The following CLN8 variants were observed in gnomAD, a reference collection of about 807,000 sequenced individuals.
The protein encoded by CLN8 is CLN8 transmembrane ER and ERGIC protein.
CLN8 carries 14 observed loss-of-function variants against 15.7 expected under a neutral mutation model. The ratio of observed to expected loss-of-function variants is 0.89; its 90% CI spans 0.59 to 1.39. The LOEUF (loss-of-function observed/expected upper bound fraction) is 1.39. CLN8 is among the 40% of genes most tolerant of loss of function. The probability of loss-of-function intolerance (pLI) is 0.00; values close to 1 mark genes in which losing one functional copy is unlikely to be tolerated. For missense variants in CLN8, 415 were observed against 364.0 expected, an observed-to-expected ratio of 1.14 and a Z score of -1.14; for synonymous variants, 188 against 151.0, an observed-to-expected ratio of 1.25 and a Z score of -1.80.
At chr8:1,776,903 G>C (rs973576781) in intron 2 of CLN8, among the ~76,000 whole-genome samples, 1 of 152,164 alleles carries the variant, frequency 6.6e-6, no homozygotes, top group African/African-American at 2.4e-5. Context: ...GCAGCAGAAG[G>C]GTGGGCAGCA....
intron 2 of CLN8, among the ~76,000 whole-genome samples, chr8:1,772,749 G>A (rs1801365447): frequency 6.6e-6 from 1 of 152,060 alleles, no homozygotes; most frequent in South Asian, 2.1e-4. Flanking sequence ...CAAAATGCTG[G>A]GATTACAGGC....
intron 1 of CLN8, among the ~76,000 whole-genome samples, chr8:1,767,459 T>C (rs1472892300): frequency 6.6e-6 from 1 of 152,264 alleles, no homozygotes; most frequent in Non-Finnish European, 1.5e-5. Flanking sequence ...TCTAGAAAGC[T>C]TGAAGACCTG....
intron 2 of CLN8, among the ~76,000 whole-genome samples, chr8:1,777,849 GAGA>G: frequency 6.6e-6 from 1 of 152,334 alleles, no homozygotes; most frequent in South Asian, 2.1e-4. Context: ...ATTTTCATCA[GAGA>G]AGGAGTACAC....
At chr8:1,774,814 T>C (rs1018180718) in intron 2 of CLN8, among the ~76,000 whole-genome samples, 1 of 152,064 alleles carries the variant, frequency 6.6e-6, no homozygotes, top group Non-Finnish European at 1.5e-5. Context: ...TGGCAAAACC[T>C]CGTCTCCACA....
intron 2 of CLN8, among the ~76,000 whole-genome samples, chr8:1,776,635 G>T (rs1585146317): frequency 6.6e-6 from 1 of 152,218 alleles, no homozygotes; most frequent in African/African-American, 2.4e-5. Flanking sequence ...CTTTCCTTTG[G>T]TTTTTGTCAG....
chr8:1,783,798 G>T lies in CLN8; in HGVS notation c.*3231G>T, dbSNP rs1801764684. Reference sequence around the variant, plus strand: ...AATGGGCACTGTTGATTCCACTTCTGTCGAGGAGCTTCGGGGCTCAGAGAG... The same window carrying T: ...AATGGGCACTGTTGATTCCACTTCTTTCGAGGAGCTTCGGGGCTCAGAGAG... On this transcript the variant is annotated 3_prime_UTR_variant, in exon 3 of 3. Transcript: ENST00000331222. 6.6e-6 allele frequency: 1 copy of T among 152,214 alleles called. No individual in the cohort carries two copies. The highest frequency in any genetic ancestry group is 2.4e-5 in the African/African-American group (1 of 41,444). The allele number at this position is 152,214 out of a possible 1,614,324, so 9.4% of individuals were successfully genotyped here.
chr8:1,777,955 T>A (rs757419860), intron 2 of CLN8, among the ~76,000 whole-genome samples: 3 of 152,256 alleles, frequency 2.0e-5, no homozygotes, highest in Non-Finnish European at 2.9e-5. Flanking sequence ...CCACTGTCTA[T>A]ACACTGTGCG....
At chr8:1,768,828 A>G (rs1227040724) in intron 1 of CLN8, among the ~76,000 whole-genome samples, 5 of 152,156 alleles carry the variant, frequency 3.3e-5, no homozygotes, top group African/African-American at 1.2e-4. Flanking sequence ...CCAGCCCCTT[A>G]ATACCATGTT....
intron 2 of CLN8, 195 bp from the exon 3 acceptor site, chr8:1,780,055 G>A: frequency 1.0e-6 from 1 of 985,480 alleles, no homozygotes; most frequent in Non-Finnish European, 1.2e-6. Flanking sequence ...TGCTGGCCCA[G>A]GTGCGCCCAC....
At chr8:1,769,271 G>T (rs1405190809) in intron 1 of CLN8, among the ~76,000 whole-genome samples, 1 of 152,214 alleles carries the variant, frequency 6.6e-6, no homozygotes, top group Non-Finnish European at 1.5e-5. Flanking sequence ...TTGCATGCTT[G>T]TGTGAGCTAG....
At chr8:1,753,295 G>A (rs1800595190), upstream of CLN8, among the ~76,000 whole-genome samples, 1 of 124,798 alleles carries the variant, frequency 8.0e-6, no homozygotes, top group African/African-American at 2.9e-5. Context: ...TCCTGGCTGG[G>A]CGCGGTGGCT....
upstream of CLN8, chr8:1,761,987 T>C (rs1346248719): frequency 1.3e-5 from 2 of 152,152 alleles, no homozygotes; most frequent in Non-Finnish European, 2.9e-5. Context: ...GGCAGTCTAG[T>C]CTCCAGACAA....
Position 1,777,128 on chromosome 8 carries a change from C to T in CLN8, c.544-3122C>T, listed in dbSNP as rs574283742. Among the ~76,000 whole-genome samples, 3 of 152,292 alleles carry T rather than the reference C, an allele frequency of 2.0e-5. No individual in the cohort carries two copies. The South Asian group carries it at 6.2e-4, about 32-fold the overall frequency. On this transcript the variant is annotated intron_variant, in intron 2 of 2. Transcript: ENST00000331222. ...CCACACTCGGCTCTATGCGACAAAG[C>T]CCATTGTTCCCAGGCTGCATACCTG...
rs370711548 is a variant in CLN8 at position 1,771,015 on chromosome 8, G to C, written c.-40G>C. The C allele has an allele frequency of 6.2e-6, 10 of 1,605,780 alleles. No individual in the cohort carries two copies. The highest frequency in any genetic ancestry group is 1.7e-5 in the Admixed American group (1 of 59,974). On this transcript the variant is annotated 5_prime_UTR_variant, in exon 2 of 3. Coordinates refer to ENST00000331222, the MANE Select transcript of CLN8 (RefSeq NM_018941.4). The stretch of plus-strand genomic sequence containing the variant: ...CAAGACACAGTGTAGGGCCCGGCCC[G>C]TGTTGGCCCCAGGACTCCTTTGGAA...
At chr8:1,769,066 G>C (rs1801196784) in intron 1 of CLN8, among the ~76,000 whole-genome samples, 1 of 152,194 alleles carries the variant, frequency 6.6e-6, no homozygotes, top group African/African-American at 2.4e-5. Flanking sequence ...AGAAACATGA[G>C]TACCAGTGCT....
intron 2 of CLN8, 94 bp downstream of exon 2, chr8:1,771,691 C>A: frequency 8.6e-7 from 1 of 1,156,960 alleles, no homozygotes; most frequent in Non-Finnish European, 1.3e-6. Context: ...CAACAGCAGG[C>A]TGGATTGCAG....
At chr8:1,771,687 C>A in intron 2 of CLN8, 90 bp downstream of exon 2, 2 of 1,199,150 alleles carry the variant, frequency 1.7e-6, no homozygotes, top group African/African-American at 1.5e-5. Flanking sequence ...AACTCAACAG[C>A]AGGCTGGATT....
chr8:1,777,286 G>A (rs1801558398), intron 2 of CLN8, among the ~76,000 whole-genome samples: 1 of 152,178 alleles, frequency 6.6e-6, no homozygotes, highest in Non-Finnish European at 1.5e-5. Context: ...GCACACCTGT[G>A]CAGGGCGTTC....
chr8:1,782,992 G>C lies in CLN8; in HGVS notation c.*2425G>C, dbSNP rs1234882151. ...CCAGTGTCACCCACACATTGGTCCG[G>C]GGACCCCTCAGTGCAGAGCCTGAAG... On this transcript the variant is annotated 3_prime_UTR_variant, in exon 3 of 3. Coordinates refer to ENST00000331222, the MANE Select transcript of CLN8 (RefSeq NM_018941.4). The C allele has an allele frequency of 6.6e-6, 1 of 152,264 alleles. No homozygotes were observed. The highest frequency in any genetic ancestry group is 1.9e-4 in the East Asian group (1 of 5,186). 9.4% of individuals were successfully genotyped at this position (152,264 alleles called of 1,614,324 possible).
Sources: gnomAD v4.1 joint callset for allele counts (sites outside exome capture counted in the v4.1 genomes callset) on GRCh38, gnomAD v4.1.1 for gene constraint, MANE v1.5 for transcripts, NCBI Gene and HGNC (gene_info 2026-07-23, HGNC 2026-07-21) for gene names.